The following CERS6 variants were observed in gnomAD, a reference collection of about 807,000 sequenced individuals.
The protein encoded by CERS6 is LAG1 homolog, ceramide synthase 6.
Under a neutral mutation model 56.8 loss-of-function variants are expected in CERS6, and 26 were observed. That is an observed-to-expected ratio of 0.46 (90% CI 0.34 to 0.63). The LOEUF is 0.63. Ranked by LOEUF, CERS6 falls within the 30% of genes least tolerant of loss-of-function variation. The probability of loss-of-function intolerance (pLI) is 0.01; values close to 1 mark genes in which losing one functional copy is unlikely to be tolerated. For synonymous variants in CERS6, 164 were observed against 173.3 expected, an observed-to-expected ratio of 0.95 and a Z score of 0.42; for missense variants, 415 against 467.5, an observed-to-expected ratio of 0.89 and a Z score of 1.04.
At chr2:168,537,048 A>G (rs924845881) in intron 1 of CERS6, among the ~76,000 whole-genome samples, 2 of 152,218 alleles carry the variant, frequency 1.3e-5, no homozygotes, top group African/African-American at 4.8e-5. Context: ...TTATACCTTT[A>G]TAAGCTGTGC....
chr2:168,459,619 G>GTA lies in CERS6; in HGVS notation c.170+3002_170+3003dup, dbSNP rs1693742215. Among the ~76,000 whole-genome samples, 5 of 150,330 alleles carry GTA rather than the reference G, an allele frequency of 3.3e-5. 1 individual carries two copies. The South Asian group carries it at 1.0e-3, about 31-fold the overall frequency. On this transcript the variant is annotated intron_variant, in intron 1 of 9. Transcript: ENST00000305747. The stretch of plus-strand genomic sequence containing the variant: ...CTGTAGCGACCAATTGATTGACAGA[G>GTA]TAAAGTATGTGGGTTTTTTTTTTTC...
Position 168,637,688 on chromosome 2 carries a change from A to G in CERS6, c.465+6646A>G, listed in dbSNP as rs368135124. On this transcript the variant is annotated intron_variant, in intron 4 of 9. Transcript: ENST00000305747. ...TTAATTAAATTATCAAAGTGACAAA[A>G]TGACATGCAATCTTTTTGAGAAAAA... 1.2e-4 allele frequency among the ~76,000 whole-genome samples: 19 copies of G among 152,190 alleles called. No individual in the cohort carries two copies. In the East Asian group the frequency reaches 3.1e-3, roughly 25 times the overall value.
At chr2:168,631,075 T>C (rs1684705216) in intron 4 of CERS6, 33 bp downstream of exon 4, 1 of 1,068,196 alleles carries the variant, frequency 9.4e-7, no homozygotes. Context: ...ACATGATTCT[T>C]ATGTAAGTGT....
chr2:168,723,163 T>A (rs373476879), intron 8 of CERS6, among the ~76,000 whole-genome samples: 35 of 152,298 alleles, frequency 2.3e-4, no homozygotes, highest in South Asian at 2.3e-3. Context: ...GATTGAGAGA[T>A]AAGTAGAATA....
intron 3 of CERS6, among the ~76,000 whole-genome samples, chr2:168,582,338 G>A (rs1683433356): frequency 6.6e-6 from 1 of 152,194 alleles, no homozygotes; most frequent in South Asian, 2.1e-4. Flanking sequence ...CTTTGGGCCA[G>A]AAGGAGCTGT....
chr2:168,699,680 A>G (rs1436303858), intron 6 of CERS6, among the ~76,000 whole-genome samples: 1 of 152,166 alleles, frequency 6.6e-6, no homozygotes, highest in Admixed American at 6.5e-5. Flanking sequence ...GTGACAGAAC[A>G]CATTGCCTCA....
Position 168,585,820 on chromosome 2 carries a change from G to A in CERS6, c.407+24498G>A, listed in dbSNP as rs151157659. On this transcript the variant is annotated intron_variant, in intron 3 of 9. Coordinates refer to ENST00000305747, the MANE Select transcript of CERS6 (RefSeq NM_203463.3). ...TGGGCTGGTCCTTCACAAATCTTGGGCCACGTCTCCCTGTGTGACATCTTT... is the reference window on the plus strand; with the variant it reads ...TGGGCTGGTCCTTCACAAATCTTGGACCACGTCTCCCTGTGTGACATCTTT... Among the ~76,000 whole-genome samples the A allele has an allele frequency of 2.3e-3, 343 of 152,296 alleles. 1 individual carries two copies. Among genetic ancestry groups the A allele is most frequent in the African/African-American group, 7.8e-3 (326 of 41,572 alleles).
chr2:168,525,621 G>A (rs1398916604), intron 1 of CERS6, among the ~76,000 whole-genome samples: 1 of 152,186 alleles, frequency 6.6e-6, no homozygotes, highest in Non-Finnish European at 1.5e-5. Context: ...GGGCCAGAGG[G>A]TATTCAAAGT....
At chr2:168,708,594 T>C (rs1449985614) in intron 6 of CERS6, among the ~76,000 whole-genome samples, 1 of 152,154 alleles carries the variant, frequency 6.6e-6, no homozygotes, top group Non-Finnish European at 1.5e-5. Flanking sequence ...AACCTGGTGC[T>C]ATTACCTGAC....
At chr2:168,545,020 C>T (rs1044871900) in intron 1 of CERS6, among the ~76,000 whole-genome samples, 2 of 152,024 alleles carry the variant, frequency 1.3e-5, no homozygotes, top group Non-Finnish European at 2.9e-5. Flanking sequence ...GATATGAAAC[C>T]TTACCCATGG....
At chr2:168,605,724 A>G (rs1333980066) in intron 3 of CERS6, among the ~76,000 whole-genome samples, 1 of 152,190 alleles carries the variant, frequency 6.6e-6, no homozygotes, top group African/African-American at 2.4e-5. Context: ...GGGCCCAGGT[A>G]CAGCTTGAGA....
intron 1 of CERS6, among the ~76,000 whole-genome samples, chr2:168,507,989 T>C (rs1367488715): frequency 6.6e-6 from 1 of 152,210 alleles, no homozygotes; most frequent in Non-Finnish European, 1.5e-5. Flanking sequence ...AGTCATGCCA[T>C]CTATTCTTAG....
chr2:168,740,637 A>T (rs747126973), intron 8 of CERS6, among the ~76,000 whole-genome samples: 1 of 152,166 alleles, frequency 6.6e-6, no homozygotes, highest in Non-Finnish European at 1.5e-5. Context: ...GTCTGGGTTA[A>T]CTCAGCGCCT....
At chr2:168,663,250 C>T (rs939572770) in intron 4 of CERS6, among the ~76,000 whole-genome samples, 1 of 151,990 alleles carries the variant, frequency 6.6e-6, no homozygotes, top group Non-Finnish European at 1.5e-5. Context: ...TTTAAAAATG[C>T]ATTATTAGTT....
At chr2:168,608,914 T>C (rs1442039732) in intron 3 of CERS6, among the ~76,000 whole-genome samples, 2 of 152,230 alleles carry the variant, frequency 1.3e-5, no homozygotes, top group African/African-American at 2.4e-5. Flanking sequence ...GTTGATTATT[T>C]TATTCCAAAG....
intron 1 of CERS6, among the ~76,000 whole-genome samples, chr2:168,537,508 C>T (rs1695286431): frequency 6.6e-6 from 1 of 152,084 alleles, no homozygotes; most frequent in South Asian, 2.1e-4. Flanking sequence ...CTACCACATA[C>T]TTTATTTTAC....
intron 1 of CERS6, among the ~76,000 whole-genome samples, chr2:168,542,799 C>T (rs562207795): frequency 4.6e-5 from 7 of 152,164 alleles, no homozygotes; most frequent in South Asian, 2.1e-4. Context: ...CGGGTTCAAG[C>T]GATTCTCCTG....
At chr2:168,719,894 G>A (rs1379147399) in intron 8 of CERS6, among the ~76,000 whole-genome samples, 2 of 151,498 alleles carry the variant, frequency 1.3e-5, no homozygotes, top group Admixed American at 6.6e-5. Context: ...GATGAAAGGT[G>A]ATATCCATTT....
At chr2:168,538,007 A>C (rs1695296468) in intron 1 of CERS6, among the ~76,000 whole-genome samples, 1 of 152,090 alleles carries the variant, frequency 6.6e-6, no homozygotes, top group South Asian at 2.1e-4. Context: ...CTGTGAGTCC[A>C]GTCTTGAGGA....
Sources: gnomAD v4.1 joint callset for allele counts (sites outside exome capture counted in the v4.1 genomes callset) on GRCh38, gnomAD v4.1.1 for gene constraint, MANE v1.5 for transcripts, NCBI Gene and HGNC (gene_info 2026-07-23, HGNC 2026-07-21) for gene names.